Variants in NRG3 observed in about 807,000 individuals in gnomAD.
NRG3 encodes pro-neuregulin-3, membrane-bound isoform.
A neutral mutation model predicts 66.9 loss-of-function variants in NRG3; 31 were observed. The ratio of observed to expected loss-of-function variants is 0.46; its 90% confidence interval spans 0.35 to 0.63. The LOEUF (loss-of-function observed/expected upper bound fraction) is 0.63. NRG3 is among the 20% of genes least tolerant of loss of function. The probability of loss-of-function intolerance (pLI) is 0.00; values close to 1 mark genes in which losing one functional copy is unlikely to be tolerated. For missense variants in NRG3, 910 were observed against 878.9 expected (o/e 1.04, Z -0.45); for synonymous variants, 393 against 359.4 (o/e 1.09, Z -1.06).
At chr10:82,792,887 GT>G (rs2060645836) in intron 3 of NRG3, among the ~76,000 whole-genome samples, 1 of 151,934 alleles carries the variant, frequency 6.6e-6, no homozygotes, top group Non-Finnish European at 1.5e-5. Context: ...TCTCCATGTT[GT>G]TTAGGCTGGT....
intron 1 of NRG3, among the ~76,000 whole-genome samples, chr10:81,975,637 A>G (rs753084721): frequency 3.9e-5 from 6 of 152,168 alleles, no homozygotes; most frequent in Non-Finnish European, 8.8e-5. Flanking sequence ...ATTGTGGATC[A>G]GTGTACAGCA....
intron 2 of NRG3, among the ~76,000 whole-genome samples, chr10:82,543,960 T>A (rs2043725805): frequency 6.6e-6 from 1 of 152,082 alleles, no homozygotes; most frequent in African/African-American, 2.4e-5. Context: ...GTCAAGGGAG[T>A]CCATAAATTT....
intron 3 of NRG3, among the ~76,000 whole-genome samples, chr10:82,839,720 G>A (rs1326619805): frequency 6.6e-6 from 1 of 151,436 alleles, no homozygotes; most frequent in East Asian, 1.9e-4. Context: ...AACGATGTAT[G>A]TACACAAAAT....
intron 2 of NRG3, among the ~76,000 whole-genome samples, chr10:82,645,025 C>G (rs1362145767): frequency 2.6e-5 from 4 of 152,176 alleles, no homozygotes; most frequent in African/African-American, 4.8e-5. Context: ...ATTTGCTTTA[C>G]AGTTTTGAGA....
chr10:82,807,336 A>G (rs557764349), intron 3 of NRG3, among the ~76,000 whole-genome samples: 1 of 152,330 alleles, frequency 6.6e-6, no homozygotes, highest in Admixed American at 6.5e-5. Flanking sequence ...GAGCAAGTAA[A>G]CTTGCAAGGA....
chr10:82,033,718 T>C (rs574944752), intron 1 of NRG3, among the ~76,000 whole-genome samples: 1 of 152,238 alleles, frequency 6.6e-6, no homozygotes, highest in East Asian at 1.9e-4. Flanking sequence ...TCATGCAGGA[T>C]GCATCAGGGA....
rs981820931 is a variant in NRG3, at chr10:81,997,799, T to C, written c.823+121636T>C. On this transcript the variant is annotated intron_variant, in intron 1 of 8. Coordinates refer to ENST00000372141, the MANE Select transcript of NRG3 (RefSeq NM_001010848.4). Reference sequence around the variant, plus strand: ...TAATGTGATTTATTTGTACGTAATGTCTCCCTAGCTGTGGGGTCCCTCATA... The same window carrying C: ...TAATGTGATTTATTTGTACGTAATGCCTCCCTAGCTGTGGGGTCCCTCATA... 2.0e-5 allele frequency among the ~76,000 whole-genome samples: 3 copies of C among 152,036 alleles called. No homozygotes were observed. The South Asian group carries it at 6.2e-4, about 32-fold the overall frequency.
intron 1 of NRG3, among the ~76,000 whole-genome samples, chr10:82,351,436 C>A (rs751724974): frequency 2.0e-5 from 3 of 152,106 alleles, no homozygotes; most frequent in Non-Finnish European, 2.9e-5. Context: ...GAAGGAGAGC[C>A]ATGTAATTCA....
chr10:81,895,423 G>A (rs1288009538), intron 1 of NRG3, among the ~76,000 whole-genome samples: 2 of 152,148 alleles, frequency 1.3e-5, no homozygotes, highest in East Asian at 1.9e-4. Flanking sequence ...TTTAAGCCCC[G>A]CCCCTGCCCA....
At chr10:82,335,217 G>T (rs1029014878) in intron 1 of NRG3, among the ~76,000 whole-genome samples, 1 of 152,204 alleles carries the variant, frequency 6.6e-6, no homozygotes, top group Non-Finnish European at 1.5e-5. Context: ...TAGATGTGAT[G>T]CCTAAAATCA....
chr10:82,816,526 T>C (rs969966689), intron 3 of NRG3, among the ~76,000 whole-genome samples: 4 of 152,190 alleles, frequency 2.6e-5, no homozygotes, highest in Non-Finnish European at 4.4e-5. Flanking sequence ...TGCATGCTGA[T>C]TGGTCCATGG....
chr10:82,841,447 A>G (rs1405326704), intron 3 of NRG3, among the ~76,000 whole-genome samples: 1 of 152,214 alleles, frequency 6.6e-6, no homozygotes, highest in Non-Finnish European at 1.5e-5. Flanking sequence ...TTATACTATA[A>G]TCACATTATA....
chr10:82,634,835 A>T (rs2050077845), intron 2 of NRG3, among the ~76,000 whole-genome samples: 1 of 152,150 alleles, frequency 6.6e-6, no homozygotes, highest in African/African-American at 2.4e-5. Flanking sequence ...GGATTTTATA[A>T]TGTTACATTG....
intron 3 of NRG3, among the ~76,000 whole-genome samples, chr10:82,807,928 T>C (rs992951081): frequency 6.6e-6 from 1 of 152,186 alleles, no homozygotes; most frequent in Admixed American, 6.6e-5. Flanking sequence ...TGTTTACAAA[T>C]CCTTTTTCTT....
intron 2 of NRG3, among the ~76,000 whole-genome samples, chr10:82,517,788 G>A (rs574988028): frequency 6.6e-6 from 1 of 151,990 alleles, no homozygotes; most frequent in African/African-American, 2.4e-5. Flanking sequence ...CCAAATTTGA[G>A]GTAATTATGC....
At chr10:82,306,568 G>T (rs960618294) in intron 1 of NRG3, among the ~76,000 whole-genome samples, 18 of 151,900 alleles carry the variant, frequency 1.2e-4, no homozygotes, top group African/African-American at 4.4e-4. Context: ...GCCAGGCGTG[G>T]TGGTGGTCGT....
chr10:82,515,722 A>C (rs145027094), intron 2 of NRG3, among the ~76,000 whole-genome samples: 1 of 152,320 alleles, frequency 6.6e-6, no homozygotes, highest in Non-Finnish European at 1.5e-5. Flanking sequence ...ACAATTTTTA[A>C]GCCAATTTAG....
At chr10:82,570,675 C>T (rs1324418276) in intron 2 of NRG3, among the ~76,000 whole-genome samples, 3 of 151,556 alleles carry the variant, frequency 2.0e-5, no homozygotes, top group Admixed American at 1.3e-4. Context: ...TGCTTAAAAA[C>T]AGTTAAGATT....
chr10:82,353,283 G>A (rs536323705), intron 1 of NRG3, among the ~76,000 whole-genome samples: 4 of 152,268 alleles, frequency 2.6e-5, no homozygotes, highest in Non-Finnish European at 4.4e-5. Flanking sequence ...AGAAACCTCC[G>A]TAAGTAATAT....
Sources: allele counts gnomAD v4.1 joint callset (sites outside exome capture counted in the v4.1 genomes callset), GRCh38; gene constraint gnomAD v4.1.1; transcripts MANE v1.5; gene names NCBI Gene and HGNC (gene_info 2026-07-23, HGNC 2026-07-21).